Variants in ERBB4 observed in about 807,000 individuals in gnomAD.
ERBB4 encodes the protein erb-b2 receptor tyrosine kinase 4.
ERBB4 carries 42 observed loss-of-function variants against 158.0 expected under a neutral mutation model. That is an observed-to-expected ratio of 0.27 (90% CI 0.21 to 0.34). ERBB4 has a LOEUF of 0.34. ERBB4 is among the 10% of genes least tolerant of loss of function. The probability of loss-of-function intolerance (pLI) is 1.00; values close to 1 mark genes in which losing one functional copy is unlikely to be tolerated. For missense variants in ERBB4, 1,333 were observed against 1,624.1 expected, an observed-to-expected ratio of 0.82 and a Z score of 3.08; for synonymous variants, 583 against 558.7, an observed-to-expected ratio of 1.04 and a Z score of -0.61.
intron 2 of ERBB4, among the ~76,000 whole-genome samples, chr2:211,957,487 A>G (rs1470879949): frequency 6.6e-6 from 1 of 152,136 alleles, no homozygotes; most frequent in Non-Finnish European, 1.5e-5. Flanking sequence ...TGGCATTCCT[A>G]GCAAACTAAA....
intron 3 of ERBB4, among the ~76,000 whole-genome samples, chr2:211,882,504 T>C (rs1002900976): frequency 1.9e-4 from 29 of 152,164 alleles, no homozygotes; most frequent in African/African-American, 6.3e-4. Flanking sequence ...TACTAAAATA[T>C]GGTTTCTCTA....
At position 212,026,104 on chromosome 2, in the gene ERBB4, C is replaced by T. The variant is rs116046161; in HGVS notation, c.235-78488G>A. Among the ~76,000 whole-genome samples, 392 of 151,454 alleles carry T rather than the reference C, an allele frequency of 2.6e-3. 1 individual carries two copies. Among genetic ancestry groups the T allele is most frequent in the African/African-American group, 9.0e-3 (373 of 41,384 alleles). On this transcript the variant is annotated intron_variant, in intron 2 of 27. Transcript: ENST00000342788. ...TATTAAAATCAATATTAAATGGATA[C>T]GTAAGCCAAAGCAAGCAAGATTAAA...
intron 1 of ERBB4, among the ~76,000 whole-genome samples, chr2:212,170,770 T>G: frequency 6.6e-6 from 1 of 152,162 alleles, no homozygotes; most frequent in East Asian, 1.9e-4. Flanking sequence ...AAGTCAAGAA[T>G]TGAGGTTTGG....
At chr2:211,567,527 T>A (rs1477771373) in intron 19 of ERBB4, among the ~76,000 whole-genome samples, 1 of 152,172 alleles carries the variant, frequency 6.6e-6, no homozygotes, top group Non-Finnish European at 1.5e-5. Flanking sequence ...GTAAAGAGAA[T>A]GACAAAATGT....
At chr2:212,237,405 G>A (rs977474562) in intron 1 of ERBB4, among the ~76,000 whole-genome samples, 8 of 152,126 alleles carry the variant, frequency 5.3e-5, no homozygotes, top group South Asian at 2.1e-4. Context: ...ATCACCAGTC[G>A]AGGCTACAGA....
intron 1 of ERBB4, among the ~76,000 whole-genome samples, chr2:212,331,075 C>CATATATATAT (rs1553619158): frequency 1.9e-4 from 4 of 21,360 alleles, no homozygotes; most frequent in East Asian, 3.5e-3. Context: ...TATATATACA[C>CATATATATAT]ATATATATAT....
At chr2:211,747,805 C>T (rs764175996) in intron 5 of ERBB4, among the ~76,000 whole-genome samples, 1 of 151,474 alleles carries the variant, frequency 6.6e-6, no homozygotes, top group Non-Finnish European at 1.5e-5. Flanking sequence ...TAAATATTCA[C>T]CATCTATGTA....
At chr2:211,482,680 C>T (rs1041072900) in intron 20 of ERBB4, among the ~76,000 whole-genome samples, 4 of 152,076 alleles carry the variant, frequency 2.6e-5, no homozygotes, top group Admixed American at 6.6e-5. Context: ...CCAAGATAGG[C>T]GGATCACCTG....
Position 211,623,651 on chromosome 2 carries a change from G to A in ERBB4, c.2202+271C>T, listed in dbSNP as rs573653172. On this transcript the variant is annotated intron_variant, in intron 18 of 27. Coordinates refer to ENST00000342788, the MANE Select transcript of ERBB4 (RefSeq NM_005235.3). ...AATAGAAATTTGCCAAAAGGAATATGACATACGGGGCTCAGAAAGGTATTA... is the reference window on the plus strand; with the variant it reads ...AATAGAAATTTGCCAAAAGGAATATAACATACGGGGCTCAGAAAGGTATTA... Among the ~76,000 whole-genome samples, 302 of 152,246 alleles carry A rather than the reference G, an allele frequency of 2.0e-3. 1 individual carries two copies. Among genetic ancestry groups the A allele is most frequent in the African/African-American group, 7.0e-3 (290 of 41,540 alleles).
chr2:211,527,162 A>G (rs1354856421), intron 20 of ERBB4, among the ~76,000 whole-genome samples: 1 of 152,134 alleles, frequency 6.6e-6, no homozygotes, highest in African/African-American at 2.4e-5. Flanking sequence ...TCAAACTCCT[A>G]ATGGTTAAGG....
Position 212,297,411 on chromosome 2 carries a change from C to T in ERBB4, c.83-172508G>A, listed in dbSNP as rs548477159. On this transcript the variant is annotated intron_variant, in intron 1 of 27. Transcript: ENST00000342788. Reference sequence around the variant, plus strand: ...ATTAATGTAACCTTTGTGATAAAAGCAGATTAAATCGATGGTATATATGTG... The same window carrying T: ...ATTAATGTAACCTTTGTGATAAAAGTAGATTAAATCGATGGTATATATGTG... 4.6e-5 allele frequency among the ~76,000 whole-genome samples: 7 copies of T among 152,020 alleles called. No homozygotes were observed. The South Asian group carries it at 1.2e-3, about 27-fold the overall frequency.
At chr2:212,073,104 T>TGGAA (rs1234689669) in intron 2 of ERBB4, among the ~76,000 whole-genome samples, 1 of 150,496 alleles carries the variant, frequency 6.6e-6, no homozygotes, top group East Asian at 2.0e-4. Flanking sequence ...GGCCTGGAGG[T>TGGAA]GGAAGGAAGG....
rs56892079 is a variant in ERBB4 at position 211,580,866 on chromosome 2, CAT to C, written c.2302-18780_2302-18779del. ...ATATTATATATATAGTATGCATATA[CAT>C]ATATATATATATATATATATATATA... is the stretch of plus-strand genomic sequence containing the variant. On this transcript the variant is annotated intron_variant, in intron 19 of 27. Transcript: ENST00000342788. 1.0e-3 allele frequency among the ~76,000 whole-genome samples: 64 copies of C among 64,070 alleles called. 1 individual carries two copies. The highest frequency in any genetic ancestry group is 1.5e-3 in the South Asian group (3 of 2,046). 42.0% of individuals were successfully genotyped at this position (64,070 alleles called of 152,430 possible). A position where few individuals can be genotyped will look rare whatever the true frequency, so the allele number is the denominator to read the frequency against.
intron 2 of ERBB4, among the ~76,000 whole-genome samples, chr2:211,989,621 G>C (rs907796148): frequency 1.3e-5 from 2 of 151,726 alleles, no homozygotes; most frequent in East Asian, 3.9e-4. Flanking sequence ...CTTATTTCAA[G>C]TATGCACTAT....
At chr2:212,236,375 T>G (rs1307507396) in intron 1 of ERBB4, among the ~76,000 whole-genome samples, 6 of 152,210 alleles carry the variant, frequency 3.9e-5, no homozygotes, top group African/African-American at 1.4e-4. Flanking sequence ...TGCCAGCATT[T>G]TATTGAGGAT....
chr2:212,290,927 T>C (rs2086184024), intron 1 of ERBB4, among the ~76,000 whole-genome samples: 1 of 152,056 alleles, frequency 6.6e-6, no homozygotes, highest in Non-Finnish European at 1.5e-5. Context: ...GCCACAATGA[T>C]TGTGAGTGTG....
rs1265429780 is a variant in ERBB4 at position 211,382,814 on chromosome 2, G to T, written c.*801C>A. ...GCCTCCCTTTCTTATTTTAAAGATT[G>T]TATACTTAAAGTAGTGGCCATTTCA... On this transcript the variant is annotated 3_prime_UTR_variant, in exon 28 of 28. Transcript: ENST00000342788. 4.3e-6 allele frequency: 1 copy of T among 232,430 alleles called. No individual in the cohort carries two copies. The highest frequency in any genetic ancestry group is 5.6e-5 in the Admixed American group (1 of 17,754). 14.4% of individuals were successfully genotyped at this position (232,430 alleles called of 1,614,324 possible). A position where few individuals can be genotyped will look rare whatever the true frequency, so the allele number is the denominator to read the frequency against.
At chr2:211,938,729 T>G (rs183221779) in intron 3 of ERBB4, among the ~76,000 whole-genome samples, 43 of 152,220 alleles carry the variant, frequency 2.8e-4, no homozygotes, top group African/African-American at 1.0e-3. Flanking sequence ...TAAATATTTG[T>G]CAGAAATATA....
chr2:211,970,980 T>C (rs1221084385), intron 2 of ERBB4, among the ~76,000 whole-genome samples: 1 of 152,222 alleles, frequency 6.6e-6, no homozygotes, highest in East Asian at 1.9e-4. Flanking sequence ...CACTGGTCTG[T>C]GTACTTCAGT....
Sources: allele counts gnomAD v4.1 joint callset (sites outside exome capture counted in the v4.1 genomes callset), GRCh38; gene constraint gnomAD v4.1.1; transcripts MANE v1.5; gene names NCBI Gene and HGNC (gene_info 2026-07-23, HGNC 2026-07-21).